The following SGSM1 variants were observed in gnomAD, a reference collection of about 807,000 sequenced individuals.
SGSM1 encodes the protein small G protein signaling modulator 1.
SGSM1 carries 73 observed loss-of-function variants against 133.8 expected under a neutral mutation model. That is an observed-to-expected ratio of 0.55 (90% CI 0.45 to 0.66). The LOEUF is 0.66. SGSM1 is among the 30% of genes least tolerant of loss of function. The pLI is 0.00. For missense variants in SGSM1, 1,213 were observed against 1,448.1 expected (o/e 0.84, Z 2.64); for synonymous variants, 563 against 573.0 (o/e 0.98, Z 0.25).
chr22:24,869,732 C>T (rs190455014), intron 12 of SGSM1, among the ~76,000 whole-genome samples: 4 of 152,246 alleles, frequency 2.6e-5, no homozygotes, highest in East Asian at 3.9e-4. Flanking sequence ...CCGGTAGAGG[C>T]GAAGCAGAGC....
chr22:24,878,313 T>C (rs9917554), intron 13 of SGSM1, among the ~76,000 whole-genome samples: 1,767 of 152,288 alleles, frequency 0.012, 17 homozygotes, highest in African/African-American at 0.04. Context: ...CCCCCTCTCC[T>C]GTTGTAGCAT....
chr22:24,811,602 A>C (rs186104723), intron 2 of SGSM1, among the ~76,000 whole-genome samples: 56 of 152,300 alleles, frequency 3.7e-4, no homozygotes, highest in South Asian at 2.7e-3. Context: ...ACTGTGGCTC[A>C]TGCCTGTAAT....
chr22:24,914,351 T>A (rs1933743019), intron 22 of SGSM1, among the ~76,000 whole-genome samples: 1 of 145,702 alleles, frequency 6.9e-6, no homozygotes, highest in South Asian at 2.3e-4. Context: ...ACGCCTATAA[T>A]CCCAGCTACA....
intron 19 of SGSM1, among the ~76,000 whole-genome samples, chr22:24,900,340 C>CTTCTTTCTTTTTCTTTCTTTCT (rs1933089740): frequency 7.9e-6 from 1 of 126,032 alleles, no homozygotes; most frequent in Non-Finnish European, 1.6e-5. Flanking sequence ...TTGTTAACCT[C>CTTCTTTCTTTTTCTTTCTTTCT]TTCTTTCTTT....
intron 2 of SGSM1, among the ~76,000 whole-genome samples, chr22:24,832,310 A>G (rs1929163940): frequency 6.6e-6 from 1 of 152,178 alleles, no homozygotes; most frequent in East Asian, 1.9e-4. Context: ...TTTGCTCGCC[A>G]TGTCTGTGTG....
Position 24,806,306 on chromosome 22 carries a change from G to A in SGSM1, c.-20G>A. The A allele has an allele frequency of 6.9e-7, 1 of 1,439,178 alleles. No individual in the cohort carries two copies. The highest frequency in any genetic ancestry group is 9.1e-7 in the Non-Finnish European group (1 of 1,099,486). The allele number at this position is 1,439,178 out of a possible 1,614,324, so 89.2% of individuals were successfully genotyped here. A position where few individuals can be genotyped will look rare whatever the true frequency, so the allele number is the denominator to read the frequency against. Reference sequence around the variant, plus strand: ...CCGCCGCCACCGCCTCCTGGGACTCGGAACGCAGCGCTCGGAGCCATGGCC... The same window carrying A: ...CCGCCGCCACCGCCTCCTGGGACTCAGAACGCAGCGCTCGGAGCCATGGCC... On this transcript the variant is annotated 5_prime_UTR_variant, in exon 1 of 25. Coordinates refer to ENST00000400358, the MANE Select transcript of SGSM1 (RefSeq NM_001098497.3).
chr22:24,826,713 G>A (rs1313450440), intron 2 of SGSM1, among the ~76,000 whole-genome samples: 1 of 152,152 alleles, frequency 6.6e-6, no homozygotes, highest in African/African-American at 2.4e-5. Context: ...TTTTAGACAA[G>A]GTGATCAGGG....
intron 14 of SGSM1, among the ~76,000 whole-genome samples, chr22:24,883,046 G>A (rs553221249): frequency 2.1e-4 from 32 of 151,108 alleles, no homozygotes; most frequent in African/African-American, 7.6e-4. Context: ...TACAGGTGCC[G>A]GCCACCATGA....
intron 10 of SGSM1, among the ~76,000 whole-genome samples, chr22:24,867,392 T>C (rs1931520596): frequency 1.3e-5 from 2 of 152,184 alleles, no homozygotes; most frequent in African/African-American, 4.8e-5. Context: ...AAGTGATGTA[T>C]GTTAAGGGCT....
At chr22:24,872,791 T>C (rs1251049776) in intron 12 of SGSM1, among the ~76,000 whole-genome samples, 1 of 152,036 alleles carries the variant, frequency 6.6e-6, no homozygotes, top group East Asian at 1.9e-4. Flanking sequence ...TGGTGGCACA[T>C]GTCTGTAGTC....
intron 4 of SGSM1, among the ~76,000 whole-genome samples, chr22:24,848,251 A>G (rs1321092093): frequency 6.6e-6 from 1 of 151,818 alleles, no homozygotes; most frequent in Non-Finnish European, 1.5e-5. Flanking sequence ...CACCTGGTAG[A>G]TGCCCAAGAA....
At chr22:24,923,470 G>GT (rs1233854408) in intron 24 of SGSM1, among the ~76,000 whole-genome samples, 2 of 151,832 alleles carry the variant, frequency 1.3e-5, no homozygotes, top group Non-Finnish European at 2.9e-5. Context: ...TTTTTCTTTG[G>GT]TTTTTTTGTC....
intron 2 of SGSM1, among the ~76,000 whole-genome samples, chr22:24,835,439 G>A (rs976747495): frequency 2.6e-5 from 4 of 152,168 alleles, no homozygotes; most frequent in Admixed American, 6.5e-5. Context: ...ACCTCATAGA[G>A]CGTAGAGGCC....
intron 22 of SGSM1, among the ~76,000 whole-genome samples, chr22:24,913,134 A>G (rs1933693769): frequency 6.6e-6 from 1 of 151,956 alleles, no homozygotes; most frequent in Non-Finnish European, 1.5e-5. Context: ...TACTAAAAAT[A>G]CAAAAAAAAT....
chr22:24,868,599 T>C (rs1931589855), intron 11 of SGSM1, 60 bp downstream of exon 11: 1 of 1,611,532 alleles, frequency 6.2e-7, no homozygotes, highest in African/African-American at 1.3e-5. Flanking sequence ...AGGGTGGTTG[T>C]TTTTGCCTGT....
Position 24,850,352 on chromosome 22 carries a change from C to A in SGSM1, c.375C>A (p.Ala125=), listed in dbSNP as rs999641870. ...LPKLPNLSPL[A]IKHLWIRTAL... ...AGCTGCCCAACTTGTCCCCACTTGCCATCAAGCATCTGTGGATTCGCACAG... is the reference window on the plus strand; with the variant it reads ...AGCTGCCCAACTTGTCCCCACTTGCAATCAAGCATCTGTGGATTCGCACAG... Residue 125 remains alanine (A), a synonymous_variant, in exon 5 of 25, where the codon GCC becomes GCA. Transcript: ENST00000400358. 4 of 1,613,846 alleles carry A rather than the reference C, an allele frequency of 2.5e-6. No homozygotes were observed. The African/African-American group carries it at 5.3e-5, about 22-fold the overall frequency.
intron 2 of SGSM1, among the ~76,000 whole-genome samples, chr22:24,811,188 C>G (rs1927714249): frequency 6.6e-6 from 1 of 152,054 alleles, no homozygotes; most frequent in African/African-American, 2.4e-5. Flanking sequence ...AGGGATGCTG[C>G]TCACATTCCT....
chr22:24,850,578 G>A, intron 5 of SGSM1, 146 bp downstream of exon 5: 1 of 1,198,410 alleles, frequency 8.3e-7, no homozygotes, highest in Non-Finnish European at 1.1e-6. Context: ...GGAAACTTGG[G>A]TAGATTCAAG....
chr22:24,918,695 A>G (rs1163320406), intron 23 of SGSM1, among the ~76,000 whole-genome samples: 2 of 151,798 alleles, frequency 1.3e-5, no homozygotes, highest in Non-Finnish European at 2.9e-5. Context: ...AAGGATTCAC[A>G]CCAAGTTTAT....
Sources: allele counts gnomAD v4.1 joint callset (sites outside exome capture counted in the v4.1 genomes callset), GRCh38; gene constraint gnomAD v4.1.1; transcripts MANE v1.5; gene names NCBI Gene and HGNC (gene_info 2026-07-23, HGNC 2026-07-21).